Variants in LRRC3B observed in about 807,000 individuals in gnomAD.
LRRC3B encodes leucine-rich repeat-containing protein 3B.
LRRC3B carries 2 observed loss-of-function variants against 12.8 expected under a neutral mutation model. That is an observed-to-expected ratio of 0.16 (90% CI 0.06 to 0.49). The LOEUF (loss-of-function observed/expected upper bound fraction) is 0.49. LRRC3B is among the 20% of genes least tolerant of loss of function. The pLI is 0.96. For missense variants in LRRC3B, 189 were observed against 319.4 expected (o/e 0.59, Z 3.11); for synonymous variants, 132 against 122.0 (o/e 1.08, Z -0.54).
At chr3:26,683,479 G>T (rs1414842831) in intron 1 of LRRC3B, among the ~76,000 whole-genome samples, 1 of 152,202 alleles carries the variant, frequency 6.6e-6, no homozygotes, top group African/African-American at 2.4e-5. Context: ...GGTTGGAAAA[G>T]ATATGCTATG....
At chr3:26,634,195 A>G (rs896194298) in intron 1 of LRRC3B, among the ~76,000 whole-genome samples, 1 of 152,252 alleles carries the variant, frequency 6.6e-6, no homozygotes, top group Non-Finnish European at 1.5e-5. Context: ...GTTTTCTGCC[A>G]GATGGCTATA....
At chr3:26,661,387 C>A (rs1258097895) in intron 1 of LRRC3B, among the ~76,000 whole-genome samples, 1 of 152,176 alleles carries the variant, frequency 6.6e-6, no homozygotes, top group East Asian at 1.9e-4. Flanking sequence ...CAGAGGATGA[C>A]AAATGCCACA....
intron 1 of LRRC3B, among the ~76,000 whole-genome samples, chr3:26,673,486 G>A (rs1036218213): frequency 6.6e-6 from 1 of 152,214 alleles, no homozygotes; most frequent in Non-Finnish European, 1.5e-5. Context: ...GAGGTTTTGA[G>A]AAGCAGTCTT....
chr3:26,656,438 T>C (rs1475726574), intron 1 of LRRC3B, among the ~76,000 whole-genome samples: 1 of 152,140 alleles, frequency 6.6e-6, no homozygotes, highest in Non-Finnish European at 1.5e-5. Flanking sequence ...TATACATGGC[T>C]TCCAAGTTTG....
At chr3:26,695,721 G>A (rs1700299417) in intron 1 of LRRC3B, among the ~76,000 whole-genome samples, 2 of 150,518 alleles carry the variant, frequency 1.3e-5, no homozygotes, top group South Asian at 4.1e-4. Flanking sequence ...TATAGAATCT[G>A]TAGATAAACA....
At chr3:26,640,869 G>A (rs1288184104) in intron 1 of LRRC3B, among the ~76,000 whole-genome samples, 1 of 152,140 alleles carries the variant, frequency 6.6e-6, no homozygotes, top group East Asian at 1.9e-4. Context: ...AGGTCAAATT[G>A]GTGTTCTCCC....
chr3:26,675,611 A>C (rs771436934), intron 1 of LRRC3B, among the ~76,000 whole-genome samples: 28 of 152,370 alleles, frequency 1.8e-4, no homozygotes, highest in Non-Finnish European at 3.8e-4. Context: ...ATTAAAAAAT[A>C]AGTTAATTGG....
At chr3:26,638,724 G>A (rs1460506616) in intron 1 of LRRC3B, among the ~76,000 whole-genome samples, 1 of 152,224 alleles carries the variant, frequency 6.6e-6, no homozygotes, top group Non-Finnish European at 1.5e-5. Flanking sequence ...TCAAAATAGT[G>A]TTGGGTCTTC....
intron 1 of LRRC3B, among the ~76,000 whole-genome samples, chr3:26,648,081 TG>T (rs1699189961): frequency 6.6e-6 from 1 of 151,804 alleles, no homozygotes; most frequent in East Asian, 1.9e-4. Flanking sequence ...ATAAAAAGTT[TG>T]GGGTTTTTTT....
intron 1 of LRRC3B, among the ~76,000 whole-genome samples, chr3:26,660,515 T>C (rs920134127): frequency 5.9e-5 from 9 of 152,184 alleles, no homozygotes; most frequent in Non-Finnish European, 1.2e-4. Flanking sequence ...AGGAGAACCA[T>C]CAAACATCAT....
chr3:26,706,547 GTTCACAA>G (rs1700592966), intron 1 of LRRC3B, among the ~76,000 whole-genome samples: 1 of 152,048 alleles, frequency 6.6e-6, no homozygotes, highest in Admixed American at 6.5e-5. Context: ...ATTACATCCA[GTTCACAA>G]GCATTACATC....
intron 1 of LRRC3B, among the ~76,000 whole-genome samples, chr3:26,707,384 A>G (rs551250562): frequency 6.6e-6 from 1 of 152,152 alleles, no homozygotes; most frequent in South Asian, 2.1e-4. Context: ...AAAATAAAAT[A>G]ATAAATAAAT....
chr3:26,688,157 G>A (rs1392938446), intron 1 of LRRC3B, among the ~76,000 whole-genome samples: 1 of 152,202 alleles, frequency 6.6e-6, no homozygotes, highest in Non-Finnish European at 1.5e-5. Flanking sequence ...GTGAACCCAT[G>A]AATTACGTTG....
At chr3:26,669,883 C>T (rs1699684460) in intron 1 of LRRC3B, among the ~76,000 whole-genome samples, 1 of 152,144 alleles carries the variant, frequency 6.6e-6, no homozygotes, top group South Asian at 2.1e-4. Context: ...AGTTTGCTTC[C>T]TTGAGGATGG....
intron 1 of LRRC3B, among the ~76,000 whole-genome samples, chr3:26,672,590 C>G (rs1400690043): frequency 6.6e-6 from 1 of 152,156 alleles, no homozygotes; most frequent in African/African-American, 2.4e-5. Flanking sequence ...CCTAGTCAGC[C>G]TAAGGGTAAT....
At chr3:26,675,247 A>G (rs996029847) in intron 1 of LRRC3B, among the ~76,000 whole-genome samples, 20 of 152,224 alleles carry the variant, frequency 1.3e-4, no homozygotes, top group African/African-American at 4.6e-4. Context: ...AACAAAGCCA[A>G]TGATTCTTAA....
intron 1 of LRRC3B, among the ~76,000 whole-genome samples, chr3:26,645,227 A>G (rs2125410778): frequency 6.6e-6 from 1 of 152,324 alleles, no homozygotes; most frequent in Admixed American, 6.5e-5. Flanking sequence ...TGGATTAAGA[A>G]GCAGGTGTTG....
intron 1 of LRRC3B, among the ~76,000 whole-genome samples, chr3:26,685,527 A>C (rs56958849): frequency 0.18 from 4,870 of 26,658 alleles, 90 homozygotes; most frequent in Non-Finnish European, 0.22. Flanking sequence ...CTCTCTCTAT[A>C]TATATATATA....
intron 1 of LRRC3B, among the ~76,000 whole-genome samples, chr3:26,685,949 C>T (rs1700079388): frequency 6.6e-6 from 1 of 152,072 alleles, no homozygotes; most frequent in Admixed American, 6.6e-5. Context: ...GCAGTAGCTA[C>T]CTCAGATAGG....
Sources: gnomAD v4.1 joint callset for allele counts (sites outside exome capture counted in the v4.1 genomes callset) on GRCh38, gnomAD v4.1.1 for gene constraint, MANE v1.5 for transcripts, NCBI Gene and HGNC (gene_info 2026-07-23, HGNC 2026-07-21) for gene names.